The following LASP1 variants were observed in gnomAD, a reference collection of about 807,000 sequenced individuals.
LASP1 encodes LIM and SH3 domain protein 1.
In LASP1, 10 loss-of-function variants were observed where a neutral mutation model predicts 38.6. The observed-to-expected ratio is 0.26, with a 90% CI of 0.16 to 0.44. The LOEUF (loss-of-function observed/expected upper bound fraction) is 0.44, where lower values mean the gene tolerates loss of function less well. Ranked by LOEUF, LASP1 falls within the 20% of genes least tolerant of loss-of-function variation. The probability of loss-of-function intolerance (pLI) is 1.00; values close to 1 mark genes in which losing one functional copy is unlikely to be tolerated. For missense variants in LASP1, 243 were observed against 375.7 expected (o/e 0.65, Z 2.92); for synonymous variants, 132 against 140.8 (o/e 0.94, Z 0.44).
At chr17:38,902,741 C>T (rs903493279) in intron 4 of LASP1, among the ~76,000 whole-genome samples, 4 of 151,844 alleles carry the variant, frequency 2.6e-5, no homozygotes, top group East Asian at 1.9e-4. Context: ...CTCGCTCTGT[C>T]GCCCAGGCTG....
chr17:38,872,407 G>T (rs1417946297), intron 1 of LASP1, among the ~76,000 whole-genome samples: 1 of 152,178 alleles, frequency 6.6e-6, no homozygotes, highest in African/African-American at 2.4e-5. Context: ...CGTTCAAGTG[G>T]GGGTTGCCCA....
rs759464225 is a variant in LASP1, at chr17:38,918,815, C to T, written c.*37C>T. 52 of 1,606,824 alleles carry T rather than the reference C, an allele frequency of 3.2e-5. No individual in the cohort carries two copies. Among genetic ancestry groups the T allele is most frequent in the Admixed American group, 1.0e-4 (6 of 59,882 alleles). ...CCCCATCTGTCTTCAGCACATTCCA[C>T]GGCATCGCATCCGTCCTGGGCGTGA... On this transcript the variant is annotated 3_prime_UTR_variant, in exon 7 of 7. Coordinates refer to ENST00000318008, the MANE Select transcript of LASP1 (RefSeq NM_006148.4). This position sits in a 1 kb window ranked among gnomAD's most constrained non-coding sequence, Gnocchi z 4.4.
chr17:38,872,247 T>A (rs2143718231), intron 1 of LASP1, among the ~76,000 whole-genome samples: 1 of 152,244 alleles, frequency 6.6e-6, no homozygotes, highest in Admixed American at 6.5e-5. Context: ...GGGTGCTGTA[T>A]AGACTATGCC....
At position 38,884,122 on chromosome 17, in the gene LASP1, TC is replaced by T. The variant is rs1914036144; in HGVS notation, c.164+5944del. The stretch of plus-strand genomic sequence containing the variant: ...CACAAAGCTGTGGTTTTTGAAGAGA[TC>T]CAAGCCTGGAACGGGCGAGGCTCTG... On this transcript the variant is annotated intron_variant, in intron 2 of 6. Transcript: ENST00000318008. 2.0e-5 allele frequency among the ~76,000 whole-genome samples: 3 copies of T among 151,852 alleles called. No homozygotes were observed. In the South Asian group the frequency reaches 6.2e-4, roughly 31 times the overall value.
chr17:38,886,097 A>C (rs1384889789), intron 2 of LASP1, among the ~76,000 whole-genome samples: 12 of 135,504 alleles, frequency 8.9e-5, no homozygotes, highest in Non-Finnish European at 1.1e-4. Context: ...TCTCTCTCTC[A>C]CTCATTCTCT....
At chr17:38,893,344 C>T (rs1055303970) in intron 3 of LASP1, among the ~76,000 whole-genome samples, 1 of 152,220 alleles carries the variant, frequency 6.6e-6, no homozygotes, top group African/African-American at 2.4e-5. Context: ...CTTGGCAGCT[C>T]TGGGTGAGGC....
chr17:38,871,393 C>T (rs1456758703), intron 1 of LASP1, among the ~76,000 whole-genome samples: 1 of 152,010 alleles, frequency 6.6e-6, no homozygotes, highest in Non-Finnish European at 1.5e-5. Flanking sequence ...GATTTTGTGC[C>T]CTTCCTCACC....
intron 1 of LASP1, 43 bp downstream of exon 1, chr17:38,870,301 G>A: frequency 6.2e-7 from 1 of 1,603,096 alleles, no homozygotes; most frequent in Non-Finnish European, 8.5e-7. Context: ...ATCCCCCGCA[G>A]TGCTCCGAAT....
chr17:38,914,314 T>C lies in LASP1; in HGVS notation c.358-11T>C, dbSNP rs1915042767. 1 of 1,600,840 alleles carries C rather than the reference T, an allele frequency of 6.2e-7. No homozygotes were observed. Among genetic ancestry groups the C allele is most frequent in the African/African-American group, 1.3e-5 (1 of 74,734 alleles). ...GTGGGACCCTTCACCTAGTGCCTTC[T>C]GACCTTGCAGATAAAATACCATGAG... On this transcript the variant is annotated splice_polypyrimidine_tract_variant and intron_variant, in intron 4 of 6. Transcript: ENST00000318008.
intron 3 of LASP1, among the ~76,000 whole-genome samples, chr17:38,896,107 A>G (rs79332868): frequency 5.5e-5 from 3 of 54,626 alleles, no homozygotes; most frequent in Admixed American, 1.8e-4. Context: ...CACTCCTGCC[A>G]GGGCAAGAAG....
chr17:38,913,098 C>T (rs1178106879), intron 4 of LASP1, among the ~76,000 whole-genome samples: 1 of 152,148 alleles, frequency 6.6e-6, no homozygotes, highest in Non-Finnish European at 1.5e-5. Context: ...TGCAGCCAGC[C>T]CCAGGCAGGC....
chr17:38,905,106 T>A (rs1914740644), intron 4 of LASP1, among the ~76,000 whole-genome samples: 1 of 152,214 alleles, frequency 6.6e-6, no homozygotes, highest in South Asian at 2.1e-4. Flanking sequence ...TAGTATTCCA[T>A]TGTTTGTTTA....
At chr17:38,893,776 G>T (rs537546728) in intron 3 of LASP1, among the ~76,000 whole-genome samples, 34 of 152,338 alleles carry the variant, frequency 2.2e-4, no homozygotes, top group Non-Finnish European at 4.6e-4. Flanking sequence ...GAGCCGGCCA[G>T]GCTGGAGCAG....
intron 2 of LASP1, among the ~76,000 whole-genome samples, chr17:38,889,181 A>G (rs1192850367): frequency 1.3e-5 from 2 of 151,952 alleles, no homozygotes; most frequent in Non-Finnish European, 2.9e-5. Flanking sequence ...CATAGGCTGG[A>G]GTGCAATGGC....
intron 1 of LASP1, among the ~76,000 whole-genome samples, chr17:38,870,570 G>C (rs1435501718): frequency 1.3e-5 from 2 of 152,130 alleles, no homozygotes; most frequent in East Asian, 3.9e-4. Context: ...AAGGTTAGGG[G>C]TGCAGTCCCG....
At chr17:38,875,288 G>A (rs1160319014) in intron 1 of LASP1, among the ~76,000 whole-genome samples, 2 of 152,006 alleles carry the variant, frequency 1.3e-5, no homozygotes, top group East Asian at 3.9e-4. Flanking sequence ...GAGTGGGGCT[G>A]TCACTTCAGG....
In LASP1 at chr17:38,919,705, C is replaced by A. The variant is rs1271082779; in HGVS notation, c.*927C>A. 1.1e-5 allele frequency: 4 copies of A among 380,186 alleles called. No individual in the cohort carries two copies. Among genetic ancestry groups the A allele is most frequent in the African/African-American group, 6.0e-5 (3 of 50,108 alleles). 23.6% of individuals were successfully genotyped at this position (380,186 alleles called of 1,614,324 possible). A position where few individuals can be genotyped will look rare whatever the true frequency, so the allele number is the denominator to read the frequency against. On this transcript the variant is annotated 3_prime_UTR_variant, in exon 7 of 7. Coordinates refer to ENST00000318008, the MANE Select transcript of LASP1 (RefSeq NM_006148.4). Reference sequence around the variant, plus strand: ...ATCTGGGTTAGGTGGCCGCTCCTCCCTGCTCCTCATGGGAAGATGTCTCAG... The same window carrying A: ...ATCTGGGTTAGGTGGCCGCTCCTCCATGCTCCTCATGGGAAGATGTCTCAG...
Position 38,898,438 on chromosome 17 carries a change from G to A in LASP1, c.276G>A (p.Lys92=). Residue 92 remains lysine (K), a synonymous_variant, in exon 4 of 7, where the codon AAG becomes AAA. Coordinates refer to ENST00000318008, the MANE Select transcript of LASP1 (RefSeq NM_006148.4). Reference sequence around the variant, plus strand: ...TGCGCTACAAGGAGGAGTTTGAGAAGAACAAGGGCAAAGGTTTCAGCGTAG... The same window carrying A: ...TGCGCTACAAGGAGGAGTTTGAGAAAAACAAGGGCAAAGGTTTCAGCGTAG... ...SQVRYKEEFE[K]NKGKGFSVVA... is the part of the protein sequence containing the mutation. 2 of 1,551,384 alleles carry A rather than the reference G, an allele frequency of 1.3e-6. No homozygotes were observed. The highest frequency in any genetic ancestry group is 1.7e-6 in the Non-Finnish European group (2 of 1,146,724).
intron 3 of LASP1, among the ~76,000 whole-genome samples, chr17:38,893,290 C>T (rs1463847554): frequency 6.6e-6 from 1 of 152,218 alleles, no homozygotes; most frequent in Non-Finnish European, 1.5e-5. Context: ...GTAGGATGGG[C>T]TTGTTGGAAT....
Sources: allele counts gnomAD v4.1 joint callset (sites outside exome capture counted in the v4.1 genomes callset), GRCh38; gene constraint gnomAD v4.1.1; non-coding constraint Gnocchi (gnomAD v3.1); transcripts MANE v1.5; gene names NCBI Gene and HGNC (gene_info 2026-07-23, HGNC 2026-07-21).